POLQ: variants seen among roughly 807,000 people sequenced by gnomAD.
POLQ encodes the protein DNA polymerase theta.
A neutral mutation model predicts 259.2 loss-of-function variants in POLQ; 233 were observed. The ratio of observed to expected loss-of-function variants is 0.90; its 90% CI spans 0.81 to 1.00. The LOEUF is 1.00. Among genes scored for constraint, POLQ ranks in the 50% least tolerant of loss-of-function variants. The pLI is 0.00. For synonymous variants in POLQ, 1,025 were observed against 1,048.8 expected (o/e 0.98, Z 0.44); for missense variants, 2,871 against 3,051.6 (o/e 0.94, Z 1.39).
chr3:121,519,745 G>A, intron 9 of POLQ, 126 bp downstream of exon 9: 2 of 640,358 alleles, frequency 3.1e-6, no homozygotes, highest in Non-Finnish European at 2.9e-6. Flanking sequence ...CCAAAATGAT[G>A]ACACTAGTGC....
At chr3:121,450,105 C>T (rs1205238050) in intron 25 of POLQ, among the ~76,000 whole-genome samples, 1 of 152,122 alleles carries the variant, frequency 6.6e-6, no homozygotes, top group South Asian at 2.1e-4. Flanking sequence ...AGTCACTTAA[C>T]CAATTTGTAT....
chr3:121,533,175 C>A lies in POLQ; in HGVS notation c.775G>T (p.Val259Leu), dbSNP rs2048424642. Reference protein sequence around the residue: ...ADLASSLSNAVQIVGMSATLP... With the variant: ...ADLASSLSNALQIVGMSATLP... ...GTAGCACTCATGCCAACGATTTGCA[C>A]AGCATTAGACAGAGAACTGGCTAGA... Residue 259 changes from valine (V) to leucine (L), a missense_variant, in exon 6 of 30, where the codon GTG (valine) becomes TTG (leucine). Transcript: ENST00000264233. 1 of 1,607,592 alleles carries A rather than the reference C, an allele frequency of 6.2e-7. No homozygotes were observed. The highest frequency in any genetic ancestry group is 8.5e-7 in the Non-Finnish European group (1 of 1,177,498).
chr3:121,486,472 T>C (rs916697238), intron 16 of POLQ, among the ~76,000 whole-genome samples: 5 of 152,110 alleles, frequency 3.3e-5, no homozygotes, highest in African/African-American at 9.7e-5. Flanking sequence ...GAGAATTGCT[T>C]GAACCCGAGA....
At chr3:121,500,011 T>C (rs915468651) in intron 12 of POLQ, among the ~76,000 whole-genome samples, 25 of 152,278 alleles carry the variant, frequency 1.6e-4, no homozygotes, top group African/African-American at 6.0e-4. Flanking sequence ...CCAGGCACAG[T>C]GGCTCATGCC....
intron 12 of POLQ, among the ~76,000 whole-genome samples, chr3:121,504,471 CAATT>C (rs1160254275): frequency 1.3e-5 from 2 of 152,152 alleles, no homozygotes; most frequent in Middle Eastern, 3.4e-3. Flanking sequence ...ATTTAAATAA[CAATT>C]AATAGCAATC....
chr3:121,462,353 AG>A (rs990454033), intron 24 of POLQ, among the ~76,000 whole-genome samples: 3 of 152,200 alleles, frequency 2.0e-5, no homozygotes, highest in Admixed American at 6.5e-5. Flanking sequence ...AGCCACACAA[AG>A]GTCTCAGGGA....
intron 19 of POLQ, among the ~76,000 whole-genome samples, chr3:121,477,821 A>G (rs1477205957): frequency 6.6e-6 from 1 of 152,200 alleles, no homozygotes; most frequent in African/African-American, 2.4e-5. Context: ...GGTCTCAATC[A>G]GCATGAGAAA....
intron 19 of POLQ, among the ~76,000 whole-genome samples, chr3:121,479,564 G>A (rs2047955117): frequency 2.0e-5 from 3 of 151,890 alleles, no homozygotes; most frequent in South Asian, 2.1e-4. Context: ...CGGTATTCTC[G>A]TGCCTCAGCC....
Position 121,448,772 on chromosome 3 carries a change from A to G in POLQ, c.7264+543T>C, listed in dbSNP as rs116472990. ...TTTGGGATGATAGAGTAATGGTTCT[A>G]TATCTTGGTTGTGGTGTAAATTTTA... On this transcript the variant is annotated intron_variant, in intron 26 of 29. Transcript: ENST00000264233. 4.2e-3 allele frequency among the ~76,000 whole-genome samples: 640 copies of G among 152,276 alleles called. 4 individuals carry two copies. Among genetic ancestry groups the G allele is most frequent in the African/African-American group, 0.015 (611 of 41,562 alleles).
intron 2 of POLQ, among the ~76,000 whole-genome samples, chr3:121,541,996 C>T (rs917815400): frequency 2.0e-5 from 3 of 151,814 alleles, no homozygotes; most frequent in African/African-American, 4.8e-5. Flanking sequence ...AATAGCTGGG[C>T]GTGGTGGCGG....
At chr3:121,478,992 AT>A (rs151157931) in intron 19 of POLQ, among the ~76,000 whole-genome samples, 22 of 152,362 alleles carry the variant, frequency 1.4e-4, no homozygotes, top group African/African-American at 4.8e-4. Context: ...TTGTGTGCAC[AT>A]AGAGCATTTA....
chr3:121,460,945 C>T (rs2047786901), intron 24 of POLQ, among the ~76,000 whole-genome samples: 1 of 151,974 alleles, frequency 6.6e-6, no homozygotes, highest in Non-Finnish European at 1.5e-5. Context: ...GACTCATTGC[C>T]CTTTCATAAG....
chr3:121,536,460 G>A (rs2048451668), intron 5 of POLQ, among the ~76,000 whole-genome samples: 1 of 152,094 alleles, frequency 6.6e-6, no homozygotes, highest in African/African-American at 2.4e-5. Context: ...TTGCCTCTGA[G>A]AAGTGAGGGC....
rs376449388 is a variant in POLQ, at chr3:121,483,461, A to C, written c.5895T>G (p.Tyr1965Ter). The change falls in exon 18 of 30, where the codon TAT becomes TAG. Residue 1965 changes from tyrosine (Y) to a stop codon, truncating the protein, a stop_gained. Transcript: ENST00000264233. LOFTEE classifies it high-confidence loss of function. ...ESDKECSVVI[Y>*]DFIQSYKILL... ...GAATTTTATAGCTCTGGATGAAGTC[A>C]TAGATGACAACAGAACATTCTTTAT... 6.2e-7 allele frequency: 1 copy of C among 1,606,680 alleles called. No homozygotes were observed. The highest frequency in any genetic ancestry group is 8.5e-7 in the Non-Finnish European group (1 of 1,177,612).
At chr3:121,504,471 C>G (rs2048194643) in intron 12 of POLQ, among the ~76,000 whole-genome samples, 1 of 152,034 alleles carries the variant, frequency 6.6e-6, no homozygotes, top group Non-Finnish European at 1.5e-5. Context: ...ATTTAAATAA[C>G]AATTAATAGC....
chr3:121,455,156 C>T (rs1332805944), intron 25 of POLQ, among the ~76,000 whole-genome samples: 1 of 149,954 alleles, frequency 6.7e-6, no homozygotes, highest in Admixed American at 6.7e-5. Context: ...AAAATGAAGG[C>T]AGAAATAAAG....
At position 121,493,683 on chromosome 3, in the gene POLQ, T is replaced by C. The variant is rs1046462025; in HGVS notation, c.2317A>G (p.Asn773Asp). Residue 773 changes from asparagine to aspartate, a missense_variant, in exon 15 of 30, where the codon AAC becomes GAC. By Grantham distance (23) the Asn-to-Asp change is conservative (BLOSUM62 1). Coordinates refer to ENST00000264233, the MANE Select transcript of POLQ (RefSeq NM_199420.4). ...AATTGGGAAAGTAGTAGTTCCATGT[T>C]GTGCCAGCCCAGACGGTTGGAAAAT... ...TVFSNRLGWH[N>D]MELLLSQFQK... 1 of 1,613,924 alleles carries C rather than the reference T, an allele frequency of 6.2e-7. No homozygotes were observed. Among genetic ancestry groups the C allele is most frequent in the Non-Finnish European group, 8.5e-7 (1 of 1,179,762 alleles).
At chr3:121,541,602 A>C in intron 2 of POLQ, 123 bp from the exon 3 acceptor site, 1 of 769,808 alleles carries the variant, frequency 1.3e-6, no homozygotes, top group Non-Finnish European at 2.1e-6. Context: ...CTAAGGGCCC[A>C]ATAGCACTTA....
In POLQ at chr3:121,450,665, G is replaced by A. The variant is rs569565125; in HGVS notation, c.7153-1239C>T. Reference sequence around the variant, plus strand: ...CTTTCTGCAGAGAGAACTGGTGTTAGTCTGATGGGCTTCCCTTTGTGGGTA... The same window carrying A: ...CTTTCTGCAGAGAGAACTGGTGTTAATCTGATGGGCTTCCCTTTGTGGGTA... On this transcript the variant is annotated intron_variant, in intron 25 of 29. Coordinates refer to ENST00000264233, the MANE Select transcript of POLQ (RefSeq NM_199420.4). 6.6e-5 allele frequency among the ~76,000 whole-genome samples: 10 copies of A among 152,294 alleles called. No homozygotes were observed. The South Asian group carries it at 1.2e-3, about 19-fold the overall frequency.
Sources: allele counts gnomAD v4.1 joint callset (sites outside exome capture counted in the v4.1 genomes callset), GRCh38; gene constraint gnomAD v4.1.1; transcripts MANE v1.5; gene names NCBI Gene and HGNC (gene_info 2026-07-23, HGNC 2026-07-21).